The following SPOCK1 variants were observed in gnomAD, a reference collection of about 807,000 sequenced individuals.
SPOCK1 encodes testican-1.
Under a neutral mutation model 55.3 loss-of-function variants are expected in SPOCK1, and 23 were observed. The ratio of observed to expected loss-of-function variants is 0.42; its 90% CI spans 0.30 to 0.59. The LOEUF (loss-of-function observed/expected upper bound fraction) is 0.59, where lower values mean the gene tolerates loss of function less well. SPOCK1 is among the 20% of genes least tolerant of loss of function. The pLI is 0.22. For missense variants in SPOCK1, 499 were observed against 552.5 expected (o/e 0.90, Z 0.97); for synonymous variants, 226 against 221.0 (o/e 1.02, Z -0.20).
intron 3 of SPOCK1, among the ~76,000 whole-genome samples, chr5:137,176,071 A>G (rs1483616161): frequency 3.3e-5 from 5 of 152,194 alleles, no homozygotes. Context: ...TGCCAACAAT[A>G]TAAACTTTTA....
At chr5:137,154,050 G>A (rs148501692) in intron 3 of SPOCK1, among the ~76,000 whole-genome samples, 5,390 of 152,176 alleles carry the variant, frequency 0.035, 138 homozygotes, top group Non-Finnish European at 0.05. Context: ...CACTTTGGGA[G>A]GCCGAGGTGG....
intron 6 of SPOCK1, among the ~76,000 whole-genome samples, chr5:137,000,673 C>A (rs1046867338): frequency 6.6e-6 from 1 of 152,182 alleles, no homozygotes. Flanking sequence ...ACCCAATAAA[C>A]TTGAATGCAA....
intron 8 of SPOCK1, among the ~76,000 whole-genome samples, chr5:136,986,738 C>T (rs1287573854): frequency 6.8e-6 from 1 of 146,706 alleles, no homozygotes; most frequent in East Asian, 2.0e-4. Context: ...ATAATAAATA[C>T]AAGGGAAGTA....
chr5:137,435,424 C>T (rs1430334555), intron 2 of SPOCK1, among the ~76,000 whole-genome samples: 1 of 151,938 alleles, frequency 6.6e-6, no homozygotes, highest in African/African-American at 2.4e-5. Context: ...TCTTTCCTTT[C>T]CAACAGCATT....
At chr5:137,375,372 C>T (rs182656949) in intron 2 of SPOCK1, among the ~76,000 whole-genome samples, 183 of 152,134 alleles carry the variant, frequency 1.2e-3, no homozygotes, top group African/African-American at 4.2e-3. Context: ...CAAAAACAGG[C>T]AAAATGAACA....
At chr5:137,469,705 A>G (rs1366720303) in intron 2 of SPOCK1, among the ~76,000 whole-genome samples, 1 of 152,178 alleles carries the variant, frequency 6.6e-6, no homozygotes, top group Non-Finnish European at 1.5e-5. Context: ...ACACTGTGAT[A>G]TACACACCCC....
At chr5:137,148,000 C>A (rs1337244356) in intron 3 of SPOCK1, among the ~76,000 whole-genome samples, 1 of 152,194 alleles carries the variant, frequency 6.6e-6, no homozygotes, top group African/African-American at 2.4e-5. Context: ...CCAGACCTGC[C>A]TTCTTCCAAA....
At chr5:137,144,355 C>T (rs1204793074) in intron 3 of SPOCK1, among the ~76,000 whole-genome samples, 1 of 152,196 alleles carries the variant, frequency 6.6e-6, no homozygotes, top group Non-Finnish European at 1.5e-5. Context: ...ACCCAAAATA[C>T]TAATAAATAA....
chr5:137,191,887 G>A (rs1290599868), intron 3 of SPOCK1, among the ~76,000 whole-genome samples: 6 of 152,032 alleles, frequency 3.9e-5, no homozygotes, highest in South Asian at 2.1e-4. Flanking sequence ...CTGTCCTTGC[G>A]GAAAAGATAC....
chr5:137,484,807 C>T (rs1754019039), intron 2 of SPOCK1, among the ~76,000 whole-genome samples: 1 of 152,112 alleles, frequency 6.6e-6, no homozygotes, highest in Non-Finnish European at 1.5e-5. Context: ...CATCAGATAC[C>T]TTAGTTTGGT....
intron 6 of SPOCK1, among the ~76,000 whole-genome samples, chr5:137,030,139 GC>G (rs1751751234): frequency 6.6e-6 from 1 of 152,226 alleles, no homozygotes; most frequent in Non-Finnish European, 1.5e-5. Flanking sequence ...AGGAACTAAA[GC>G]CTAATACACA....
At chr5:137,147,151 T>A in intron 3 of SPOCK1, among the ~76,000 whole-genome samples, 1 of 152,056 alleles carries the variant, frequency 6.6e-6, no homozygotes, top group South Asian at 2.1e-4. Context: ...GGGGGTCAAT[T>A]TTTTGGTTGT....
rs764176621 is a variant in SPOCK1 at position 136,979,465 on chromosome 5, G to C, written c.996C>G (p.Ala332=). 1.2e-6 allele frequency: 2 copies of C among 1,613,062 alleles called. No individual in the cohort carries two copies. The highest frequency in any genetic ancestry group is 2.2e-5 in the South Asian group (2 of 90,972). ...CCTCCTCATTACACCGAGGTATGAAGGCCCCTGGGGGAACAAAAGGTGCAA... is the reference window on the plus strand; with the variant it reads ...CCTCCTCATTACACCGAGGTATGAACGCCCCTGGGGGAACAAAAGGTGCAA... The part of the protein sequence containing the change: ...KLSKGKSLLG[A]FIPRCNEEGY... The change falls in exon 10 of 11, where the codon GCC becomes GCG. Residue 332 remains alanine, a synonymous_variant. Coordinates refer to ENST00000394945, the MANE Select transcript of SPOCK1 (RefSeq NM_004598.4).
intron 3 of SPOCK1, among the ~76,000 whole-genome samples, chr5:137,146,889 C>T (rs576093986): frequency 9.2e-5 from 14 of 152,256 alleles, no homozygotes; most frequent in African/African-American, 3.4e-4. Flanking sequence ...AAAGGTTGGA[C>T]TCATGCATTT....
chr5:137,241,718 A>G (rs1027910014), intron 3 of SPOCK1, among the ~76,000 whole-genome samples: 1 of 152,070 alleles, frequency 6.6e-6, no homozygotes, highest in Non-Finnish European at 1.5e-5. Flanking sequence ...CTAGATGCTA[A>G]CCCCCTGATC....
chr5:137,434,879 T>G (rs1033712178), intron 2 of SPOCK1, among the ~76,000 whole-genome samples: 1 of 152,188 alleles, frequency 6.6e-6, no homozygotes, highest in Non-Finnish European at 1.5e-5. Flanking sequence ...CAATGAATTG[T>G]TTGCTTAAAT....
intron 2 of SPOCK1, among the ~76,000 whole-genome samples, chr5:137,272,668 C>T (rs949122038): frequency 6.6e-6 from 1 of 152,064 alleles, no homozygotes; most frequent in African/African-American, 2.4e-5. Context: ...CGTGAGAACC[C>T]TGTACAACAG....
At chr5:137,239,981 G>C (rs936582174) in intron 3 of SPOCK1, among the ~76,000 whole-genome samples, 3 of 152,156 alleles carry the variant, frequency 2.0e-5, no homozygotes, top group Non-Finnish European at 4.4e-5. Flanking sequence ...AAATTGACTT[G>C]CAAATATCCA....
chr5:137,194,163 C>T (rs984419829), intron 3 of SPOCK1, among the ~76,000 whole-genome samples: 24 of 152,306 alleles, frequency 1.6e-4, no homozygotes, highest in Middle Eastern at 3.4e-3. Context: ...TGGCAGAAGG[C>T]AGGGAGAGCC....
Sources: gnomAD v4.1 joint callset for allele counts (sites outside exome capture counted in the v4.1 genomes callset) on GRCh38, gnomAD v4.1.1 for gene constraint, MANE v1.5 for transcripts, NCBI Gene and HGNC (gene_info 2026-07-23, HGNC 2026-07-21) for gene names.